VSNL1: variants seen among roughly 807,000 people sequenced by gnomAD.
The protein encoded by VSNL1 is visinin-like protein 1.
A neutral mutation model predicts 20.4 loss-of-function variants in VSNL1; 6 were observed. The ratio of observed to expected loss-of-function variants is 0.29; its 90% CI spans 0.16 to 0.58. The LOEUF (loss-of-function observed/expected upper bound fraction) is 0.58. Among genes scored for constraint, VSNL1 ranks in the 20% least tolerant of loss-of-function variants. VSNL1 has a pLI of 0.90. For missense variants in VSNL1, 100 were observed against 234.5 expected, an observed-to-expected ratio of 0.43 and a Z score of 3.75; for synonymous variants, 93 against 86.4, an observed-to-expected ratio of 1.08 and a Z score of -0.42.
intron 2 of VSNL1, among the ~76,000 whole-genome samples, chr2:17,603,013 G>A (rs962103929): frequency 1.3e-5 from 2 of 152,126 alleles, no homozygotes; most frequent in Non-Finnish European, 2.9e-5. Flanking sequence ...ACAAAGTAAC[G>A]TTTGCCCCAA....
intron 1 of VSNL1, chr2:17,567,510 C>T (rs1319208188): frequency 6.6e-6 from 1 of 151,998 alleles, no homozygotes. Flanking sequence ...AGGCGGCCGC[C>T]ACTACGCCAG....
intron 2 of VSNL1, among the ~76,000 whole-genome samples, chr2:17,599,931 T>A (rs1358827769): frequency 6.6e-6 from 1 of 152,184 alleles, no homozygotes; most frequent in Non-Finnish European, 1.5e-5. Context: ...AGAATGCACA[T>A]CATGTTGCTC....
upstream of VSNL1, chr2:17,540,314 C>G (rs1431760877): frequency 6.6e-6 from 1 of 152,480 alleles, no homozygotes; most frequent in Non-Finnish European, 1.5e-5. Flanking sequence ...AGCGGCTCCA[C>G]GTGTTCCATC....
chr2:17,590,885 A>G (rs1664579600), intron 1 of VSNL1, among the ~76,000 whole-genome samples: 1 of 152,186 alleles, frequency 6.6e-6, no homozygotes, highest in African/African-American at 2.4e-5. Context: ...AATTTGAAAG[A>G]TCATCTGGCA....
intron 2 of VSNL1, among the ~76,000 whole-genome samples, chr2:17,594,024 T>A (rs1269017421): frequency 1.3e-5 from 2 of 152,214 alleles, no homozygotes; most frequent in African/African-American, 2.4e-5. Context: ...CCTCACTATT[T>A]GTTTAAAATG....
chr2:17,649,436 G>C lies in VSNL1; in HGVS notation c.189G>C (p.Lys63Asn). The C allele has an allele frequency of 6.2e-7, 1 of 1,614,196 alleles. No individual in the cohort carries two copies. Among genetic ancestry groups the C allele is most frequent in the Non-Finnish European group, 8.5e-7 (1 of 1,180,038 alleles). Residue 63 changes from lysine to asparagine, a missense_variant, in exon 3 of 4, where the codon AAG becomes AAC. By Grantham distance (94) the Lys-to-Asn change is moderately conservative (BLOSUM62 0). Coordinates refer to ENST00000295156, the MANE Select transcript of VSNL1 (RefSeq NM_003385.5). This position sits in a 1 kb window ranked among gnomAD's most constrained non-coding sequence, Gnocchi z 6.4. ...TCTTTCCTTATGGAGACGCCTCCAA[G>C]TTTGCCCAGCATGCCTTCCGAACCT... Reference protein sequence around the residue: ...VKFFPYGDASKFAQHAFRTFD... With the variant: ...VKFFPYGDASNFAQHAFRTFD...
At chr2:17,562,778 C>G (rs1274171580) in intron 1 of VSNL1, among the ~76,000 whole-genome samples, 1 of 152,228 alleles carries the variant, frequency 6.6e-6, no homozygotes, top group Non-Finnish European at 1.5e-5. Context: ...GTTCCTCTAA[C>G]TATAGATAGC....
intron 2 of VSNL1, among the ~76,000 whole-genome samples, chr2:17,633,910 G>A (rs1190933981): frequency 1.3e-5 from 2 of 152,188 alleles, no homozygotes; most frequent in African/African-American, 4.8e-5. Context: ...ACAGGAGCTA[G>A]CAAGAAGTGA....
At chr2:17,582,045 C>A (rs1209872422) in intron 1 of VSNL1, among the ~76,000 whole-genome samples, 3 of 152,160 alleles carry the variant, frequency 2.0e-5, no homozygotes, top group Admixed American at 2.0e-4. Flanking sequence ...TGAGGTACCT[C>A]CTCTACATCT....
intron 1 of VSNL1, among the ~76,000 whole-genome samples, chr2:17,591,859 G>A (rs1664599266): frequency 6.6e-6 from 1 of 152,070 alleles, no homozygotes; most frequent in African/African-American, 2.4e-5. Flanking sequence ...AAGAGTGAAT[G>A]CTACAGCCCT....
chr2:17,568,814 A>G (rs1664016161), intron 1 of VSNL1, among the ~76,000 whole-genome samples: 1 of 152,032 alleles, frequency 6.6e-6, no homozygotes, highest in Admixed American at 6.6e-5. Flanking sequence ...TCTCACTCTC[A>G]TTTTGAATAA....
chr2:17,630,101 G>A (rs1046066509), intron 2 of VSNL1, among the ~76,000 whole-genome samples: 6 of 152,242 alleles, frequency 3.9e-5, no homozygotes, highest in Non-Finnish European at 5.9e-5. Context: ...CAAGCCAAAC[G>A]AGAAAATAGA....
At chr2:17,548,479 C>A (rs1047507637) in intron 1 of VSNL1, among the ~76,000 whole-genome samples, 1 of 152,018 alleles carries the variant, frequency 6.6e-6, no homozygotes, top group African/African-American at 2.4e-5. Flanking sequence ...GGTTATTGTT[C>A]TAATTAATCT....
intron 1 of VSNL1, among the ~76,000 whole-genome samples, chr2:17,546,681 C>A (rs1010084654): frequency 2.0e-5 from 3 of 151,896 alleles, no homozygotes; most frequent in Non-Finnish European, 4.4e-5. Context: ...CCGTTGGAGA[C>A]CCATCAAGCA....
chr2:17,642,711 T>G (rs1665908086), intron 2 of VSNL1, among the ~76,000 whole-genome samples: 1 of 152,252 alleles, frequency 6.6e-6, no homozygotes, highest in South Asian at 2.1e-4. Context: ...TGGGAGTTCA[T>G]GACCTTTCTG....
intron 1 of VSNL1, among the ~76,000 whole-genome samples, chr2:17,542,319 T>C (rs964039525): frequency 4.6e-5 from 7 of 152,252 alleles, no homozygotes; most frequent in Admixed American, 3.9e-4. Flanking sequence ...AATGCTGCAC[T>C]GAAGCAGGTT....
intron 2 of VSNL1, among the ~76,000 whole-genome samples, chr2:17,632,361 C>T (rs566683941): frequency 7.9e-5 from 12 of 152,008 alleles, no homozygotes; most frequent in Middle Eastern, 3.4e-3. Context: ...AGTGCAGTGG[C>T]GCAATCTCAG....
intron 2 of VSNL1, among the ~76,000 whole-genome samples, chr2:17,599,003 A>T (rs886267305): frequency 6.6e-6 from 1 of 152,190 alleles, no homozygotes; most frequent in East Asian, 1.9e-4. Context: ...ATGCAGAGGG[A>T]GTCTCCAGTG....
At position 17,655,358 on chromosome 2, in the gene VSNL1, C is replaced by T. The variant is rs1234653411; in HGVS notation, c.540C>T (p.Ser180=). ...AAGAAGCTGCAAAGAGCGACCCTTC[C>T]ATTGTATTACTTCTGCAGTGCGACA... ...EFKEAAKSDP[S]IVLLLQCDIQ... Residue 180 remains serine (S), a synonymous_variant, in exon 4 of 4, where the codon TCC becomes TCT. Transcript: ENST00000295156. This position sits in a 1 kb window ranked among gnomAD's most constrained non-coding sequence, Gnocchi z 5.2. The T allele has an allele frequency of 1.2e-6, 2 of 1,613,512 alleles. No individual in the cohort carries two copies. The highest frequency in any genetic ancestry group is 1.1e-5 in the South Asian group (1 of 91,064).
Sources: allele counts gnomAD v4.1 joint callset (sites outside exome capture counted in the v4.1 genomes callset), GRCh38; gene constraint gnomAD v4.1.1; non-coding constraint Gnocchi (gnomAD v3.1); transcripts MANE v1.5; gene names NCBI Gene and HGNC (gene_info 2026-07-23, HGNC 2026-07-21).